The following PCSK5 variants were observed in gnomAD, a reference collection of about 807,000 sequenced individuals.
PCSK5 encodes proprotein convertase subtilisin/kexin type 5, also known as prohormone convertase 5.
Under a neutral mutation model 233.2 loss-of-function variants are expected in PCSK5, and 129 were observed. The observed-to-expected ratio is 0.55, with a 90% CI of 0.48 to 0.64. The LOEUF (loss-of-function observed/expected upper bound fraction) is 0.64, where lower values mean the gene tolerates loss of function less well. Ranked by LOEUF, PCSK5 falls within the 30% of genes least tolerant of loss-of-function variation. The pLI is 0.00. For synonymous variants in PCSK5, 825 were observed against 879.2 expected (o/e 0.94, Z 1.09); for missense variants, 2,076 against 2,430.1 (o/e 0.85, Z 3.06).
Position 76,360,831 on chromosome 9 carries a change from T to C in PCSK5, c.*1909T>C, listed in dbSNP as rs1268587903. On this transcript the variant is annotated 3_prime_UTR_variant, in exon 38 of 38. Coordinates refer to ENST00000674117, the MANE Select transcript of PCSK5 (RefSeq NM_001372043.1). ...TGGACACTGACATTTGAAATTCAGG[T>C]AATTTTCACATATTATAAAATTTTA... 6.6e-6 allele frequency: 1 copy of C among 152,254 alleles called. No individual in the cohort carries two copies. Among genetic ancestry groups the C allele is most frequent in the African/African-American group, 2.4e-5 (1 of 41,464 alleles). The allele number at this position is 152,254 out of a possible 1,614,324, so 9.4% of individuals were successfully genotyped here.
chr9:76,301,012 C>A (rs1828582834), intron 27 of PCSK5, among the ~76,000 whole-genome samples: 1 of 152,294 alleles, frequency 6.6e-6, no homozygotes, highest in South Asian at 2.1e-4. Context: ...GTGGCTCACA[C>A]ATGTAATCCC....
intron 8 of PCSK5, among the ~76,000 whole-genome samples, chr9:76,099,691 G>A (rs183983255): frequency 2.6e-5 from 4 of 152,130 alleles, no homozygotes; most frequent in Non-Finnish European, 4.4e-5. Flanking sequence ...CCTGTGTTGC[G>A]CCTGGGACCT....
intron 32 of PCSK5, among the ~76,000 whole-genome samples, chr9:76,325,194 G>A (rs1829325574): frequency 1.3e-5 from 2 of 152,170 alleles, no homozygotes; most frequent in South Asian, 4.1e-4. Context: ...AATGGCTTCT[G>A]GGAGGTGAGA....
At chr9:75,972,365 CTT>C (rs1825846299) in intron 2 of PCSK5, among the ~76,000 whole-genome samples, 1 of 152,120 alleles carries the variant, frequency 6.6e-6, no homozygotes. Context: ...TATATGAGCT[CTT>C]TTATGGTTCC....
chr9:76,174,051 A>C (rs1340628598), intron 13 of PCSK5, among the ~76,000 whole-genome samples: 1 of 152,192 alleles, frequency 6.6e-6, no homozygotes, highest in Non-Finnish European at 1.5e-5. Flanking sequence ...TAGGATGGCC[A>C]CTAGCCACAT....
At chr9:76,281,831 T>C (rs1013550126) in intron 24 of PCSK5, among the ~76,000 whole-genome samples, 1 of 152,048 alleles carries the variant, frequency 6.6e-6, no homozygotes, top group Non-Finnish European at 1.5e-5. Context: ...ATATTTTTTA[T>C]AGAGATGGGG....
chr9:76,255,745 G>A (rs899935503), intron 24 of PCSK5, among the ~76,000 whole-genome samples: 16 of 152,246 alleles, frequency 1.1e-4, no homozygotes, highest in Admixed American at 9.2e-4. Flanking sequence ...TGAGGCAGGA[G>A]GATTGGTTGA....
chr9:76,066,721 A>G (rs1277531224), intron 5 of PCSK5, among the ~76,000 whole-genome samples: 1 of 152,208 alleles, frequency 6.6e-6, no homozygotes, highest in African/African-American at 2.4e-5. Flanking sequence ...AAAGCAGTAT[A>G]TATCTCTTTT....
intron 36 of PCSK5, 102 bp from the exon 37 acceptor site, chr9:76,353,931 C>T: frequency 1.2e-6 from 1 of 809,224 alleles, no homozygotes; most frequent in South Asian, 1.8e-5. Flanking sequence ...GTCCCCCACA[C>T]ATCTCCCTCC....
rs71372041 is a variant in PCSK5, at chr9:76,046,160, G to GTTTTTTTTTTTTTTTTTTTTTTT, written c.632+19136_632+19158dup. On this transcript the variant is annotated intron_variant, in intron 5 of 37. Transcript: ENST00000674117. The stretch of plus-strand genomic sequence containing the variant: ...GCATTAACACATAATTTTTTCTTTT[G>GTTTTTTTTTTTTTTTTTTTTTTT]TTTTTTTTTTTTTTTTTTTTTTTTT... Among the ~76,000 whole-genome samples the GTTTTTTTTTTTTTTTTTTTTTTT allele has an allele frequency of 1.9e-4, 11 of 58,038 alleles. 4 individuals are homozygous for GTTTTTTTTTTTTTTTTTTTTTTT. Among genetic ancestry groups the GTTTTTTTTTTTTTTTTTTTTTTT allele is most frequent in the South Asian group, 1.3e-3 (2 of 1,586 alleles). The allele number at this position is 58,038 out of a possible 152,430, so 38.1% of individuals were successfully genotyped here.
At position 76,189,585 on chromosome 9, in the gene PCSK5, CTGTGCATG is replaced by C. The variant is rs1564093875; in HGVS notation, c.2511-41_2511-34del. On this transcript the variant is annotated intron_variant, in intron 19 of 37. Coordinates refer to ENST00000674117, the MANE Select transcript of PCSK5 (RefSeq NM_001372043.1). ...AGGTTGCTAGTAAACACACCTTCCC[CTGTGCATG>C]TGTGAATGGATTAAAAAATTGTACA... is the stretch of plus-strand genomic sequence containing the variant. The C allele has an allele frequency of 2.7e-6, 3 of 1,130,742 alleles. No individual in the cohort carries two copies. The Admixed American group carries it at 5.2e-5, about 19-fold the overall frequency. The allele number at this position is 1,130,742 out of a possible 1,614,324, so 70.0% of individuals were successfully genotyped here.
chr9:76,256,721 G>A (rs558963208), intron 24 of PCSK5, among the ~76,000 whole-genome samples: 1 of 152,282 alleles, frequency 6.6e-6, no homozygotes, highest in South Asian at 2.1e-4. Flanking sequence ...ATAAAAATGA[G>A]TCTGGCAGTA....
chr9:75,914,775 G>T (rs898317305), intron 1 of PCSK5, among the ~76,000 whole-genome samples: 1 of 152,102 alleles, frequency 6.6e-6, no homozygotes, highest in African/African-American at 2.4e-5. Context: ...CAGGGCCTGT[G>T]TTTCTTTAGG....
At chr9:76,268,082 G>T (rs1335484264) in intron 24 of PCSK5, among the ~76,000 whole-genome samples, 1 of 152,122 alleles carries the variant, frequency 6.6e-6, no homozygotes, top group African/African-American at 2.4e-5. Flanking sequence ...CCATTAATTG[G>T]TGGGACAGCA....
At position 76,227,593 on chromosome 9, in the gene PCSK5, G is replaced by T; in HGVS notation, c.2717G>T (p.Cys906Phe). 6.2e-7 allele frequency: 1 copy of T among 1,608,346 alleles called. No individual in the cohort carries two copies. Among genetic ancestry groups the T allele is most frequent in the Non-Finnish European group, 8.5e-7 (1 of 1,176,854 alleles). Residue 906 changes from cysteine to phenylalanine, a missense_variant, in exon 21 of 38, where the codon TGC becomes TTC. Transcript: ENST00000674117. ...CCAACCCAGGAAGACTGCACTACCT[G>T]CCCCATGACAAGGTAAGTGGCTTCT... ...QGPTQEDCTT[C>F]PMTRIFDDGR... is the part of the protein sequence containing the mutation.
intron 32 of PCSK5, among the ~76,000 whole-genome samples, 158 bp downstream of exon 32, chr9:76,323,446 C>T (rs72743122): frequency 0.058 from 8,786 of 152,198 alleles, 313 homozygotes; most frequent in Non-Finnish European, 0.078. Context: ...TTCAGTAGCA[C>T]GAACATGGCT....
intron 16 of PCSK5, 40 bp from the exon 17 acceptor site, chr9:76,184,633 A>G (rs1186612386): frequency 3.0e-6 from 4 of 1,350,382 alleles, no homozygotes; most frequent in East Asian, 2.3e-5. Flanking sequence ...ATGGAATCCA[A>G]TTGACCAACT....
At chr9:75,949,977 A>C (rs564559005) in intron 2 of PCSK5, among the ~76,000 whole-genome samples, 1 of 152,306 alleles carries the variant, frequency 6.6e-6, no homozygotes, top group South Asian at 2.1e-4. Context: ...CGTTTATAAC[A>C]GTATCTGTAA....
chr9:75,908,648 A>G (rs1364163034), intron 1 of PCSK5, among the ~76,000 whole-genome samples: 1 of 152,028 alleles, frequency 6.6e-6, no homozygotes, highest in African/African-American at 2.4e-5. Context: ...TGTCATTCTC[A>G]CTGCCGGGAC....
Sources: allele counts gnomAD v4.1 joint callset (sites outside exome capture counted in the v4.1 genomes callset), GRCh38; gene constraint gnomAD v4.1.1; transcripts MANE v1.5; gene names NCBI Gene and HGNC (gene_info 2026-07-23, HGNC 2026-07-21).